VIT: variants seen among roughly 807,000 people sequenced by gnomAD.
VIT encodes vitrin.
VIT carries 99 observed loss-of-function variants against 78.0 expected under a neutral mutation model. That is an observed-to-expected ratio of 1.27 (90% CI 1.08 to 1.50). The LOEUF (loss-of-function observed/expected upper bound fraction) is 1.50, where lower values mean the gene tolerates loss of function less well. Among genes scored for constraint, VIT ranks in the 40% most tolerant of loss-of-function variants. The pLI, the probability that VIT is intolerant of heterozygous loss-of-function variation, is 0.00. For synonymous variants in VIT, 374 were observed against 334.3 expected, an observed-to-expected ratio of 1.12 and a Z score of -1.29; for missense variants, 1,126 against 875.3, an observed-to-expected ratio of 1.29 and a Z score of -3.61.
chr2:36,814,408 G>C lies in VIT; in HGVS notation c.*47G>C, dbSNP rs375505280. 6 of 1,604,440 alleles carry C rather than the reference G, an allele frequency of 3.7e-6. No homozygotes were observed. The highest frequency in any genetic ancestry group is 2.7e-5 in the African/African-American group (2 of 74,848). ...AGCAAGTGCTGCTTTACTAACTGAC[G>C]TGTTGGACCACCCCACCGCTTAATG... On this transcript the variant is annotated 3_prime_UTR_variant, in exon 16 of 16. Transcript: ENST00000379242.
intron 1 of VIT, among the ~76,000 whole-genome samples, chr2:36,710,133 C>T (rs566268351): frequency 6.6e-6 from 1 of 152,338 alleles, no homozygotes; most frequent in East Asian, 1.9e-4. Flanking sequence ...AATTGAATCA[C>T]TGCTAAATTT....
In VIT at chr2:36,767,235, C is replaced by T. The variant is rs145311127; in HGVS notation, c.629C>T (p.Thr210Ile). The T allele has an allele frequency of 6.1e-5, 98 of 1,600,680 alleles. No individual in the cohort carries two copies. Among genetic ancestry groups the T allele is most frequent in the Non-Finnish European group, 7.9e-5 (93 of 1,174,114 alleles). Residue 210 changes from threonine (T) to isoleucine (I), a missense_variant, in exon 7 of 16, where the codon ACC (threonine) becomes ATC (isoleucine). Transcript: ENST00000379242. ...LPRPSPSAAS[T>I]TSIPRPQSVG... is the part of the protein sequence containing the mutation. ...AGGCCATCCCCTTCTGCTGCTTCTA[C>T]CACCAGCATCCCCAGACCACAATCA...
At chr2:36,806,793 G>C (rs2148677415) in intron 14 of VIT, among the ~76,000 whole-genome samples, 1 of 152,094 alleles carries the variant, frequency 6.6e-6, no homozygotes, top group East Asian at 1.9e-4. Context: ...TCGATCTCCT[G>C]ACCTCTTGAT....
chr2:36,805,483 A>G lies in VIT; in HGVS notation c.1208A>G (p.Asn403Ser), dbSNP rs751099256. 47 of 1,613,612 alleles carry G rather than the reference A, an allele frequency of 2.9e-5. No homozygotes were observed. Among genetic ancestry groups the G allele is most frequent in the African/African-American group, 1.9e-4 (14 of 74,860 alleles). ...FVTKNFFSKANGNRSGAPNVV... is the reference protein window; with the variant it reads ...FVTKNFFSKASGNRSGAPNVV... ...ACCAAGAACTTCTTTTCCAAAGCCA[A>G]TGGAAACAGAAGCGGGGCTCCCAAT... Residue 403 changes from asparagine to serine, a missense_variant, in exon 14 of 16, where the codon AAT becomes AGT. By Grantham distance (46) the Asn-to-Ser change is conservative. Coordinates refer to ENST00000379242, the MANE Select transcript of VIT (RefSeq NM_053276.4).
At chr2:36,742,521 C>G (rs902614045) in intron 3 of VIT, among the ~76,000 whole-genome samples, 2 of 152,136 alleles carry the variant, frequency 1.3e-5, no homozygotes, top group Admixed American at 6.5e-5. Flanking sequence ...TCTTCCCTGT[C>G]CAGAAGTCTT....
chr2:36,756,660 T>C (rs543113654), intron 5 of VIT, among the ~76,000 whole-genome samples: 2 of 152,346 alleles, frequency 1.3e-5, no homozygotes, highest in African/African-American at 4.8e-5. Context: ...CTGGTTTCTT[T>C]GTCAGATAGC....
intron 2 of VIT, among the ~76,000 whole-genome samples, chr2:36,719,504 T>C (rs983589624): frequency 6.6e-6 from 1 of 152,102 alleles, no homozygotes; most frequent in Admixed American, 6.5e-5. Flanking sequence ...AAAATCAACA[T>C]ACAAAAATCT....
intron 7 of VIT, among the ~76,000 whole-genome samples, chr2:36,769,761 G>A (rs1012388441): frequency 6.6e-6 from 1 of 152,142 alleles, no homozygotes; most frequent in Non-Finnish European, 1.5e-5. Context: ...ATAGGGTTGT[G>A]TGACCATCAC....
At chr2:36,752,513 G>T (rs973159416) in intron 4 of VIT, among the ~76,000 whole-genome samples, 2 of 152,210 alleles carry the variant, frequency 1.3e-5, no homozygotes, top group African/African-American at 4.8e-5. Flanking sequence ...GTGGAACTGG[G>T]TTTGCTTTTC....
At chr2:36,742,509 T>C (rs1403019886) in intron 3 of VIT, among the ~76,000 whole-genome samples, 2 of 152,174 alleles carry the variant, frequency 1.3e-5, no homozygotes, top group Non-Finnish European at 2.9e-5. Context: ...GTTTTTGACC[T>C]GTCTTCCCTG....
intron 11 of VIT, 29 bp from the exon 12 acceptor site, chr2:36,787,100 G>T: frequency 6.2e-7 from 1 of 1,613,600 alleles, no homozygotes; most frequent in South Asian, 1.1e-5. Flanking sequence ...GAGATCATGA[G>T]AATAATAGAG....
Position 36,805,526 on chromosome 2 carries a change from G to A in VIT, c.1251G>A (p.Val417=), listed in dbSNP as rs72785023. Residue 417 remains valine, a synonymous_variant, in exon 14 of 16, where the codon GTG becomes GTA. Transcript: ENST00000379242. Reference sequence around the variant, plus strand: ...CTCCCAATGTGGTGGTGGTGATGGTGGATGGCTGGCCCACGGACAAAGTGG... The same window carrying A: ...CTCCCAATGTGGTGGTGGTGATGGTAGATGGCTGGCCCACGGACAAAGTGG... ...SGAPNVVVVM[V]DGWPTDKVEE... is the part of the protein sequence containing the mutation. 0.025 allele frequency: 40,438 copies of A among 1,614,078 alleles called. 648 individuals carry two copies. The highest frequency in any genetic ancestry group is 0.032 in the Non-Finnish European group (37,195 of 1,180,010).
intron 1 of VIT, 43 bp from the exon 2 acceptor site, chr2:36,716,310 C>A: frequency 6.4e-7 from 1 of 1,558,762 alleles, no homozygotes; most frequent in Non-Finnish European, 8.8e-7. Flanking sequence ...AAATCAGAAC[C>A]CCCGGCTGAA....
chr2:36,699,850 G>A (rs767016039), intron 1 of VIT, among the ~76,000 whole-genome samples: 6 of 129,984 alleles, frequency 4.6e-5, no homozygotes, highest in Non-Finnish European at 1.0e-4. Flanking sequence ...CTGTGCTATG[G>A]GTCATGTGGG....
At chr2:36,796,129 CAT>C (rs1665885306) in intron 12 of VIT, among the ~76,000 whole-genome samples, 1 of 125,382 alleles carries the variant, frequency 8.0e-6, no homozygotes, top group Non-Finnish European at 1.7e-5. Flanking sequence ...AAAAAAAAAA[CAT>C]AGTGGGCAGC....
chr2:36,712,367 A>G (rs1164057551), intron 1 of VIT, among the ~76,000 whole-genome samples: 4 of 152,170 alleles, frequency 2.6e-5, no homozygotes, highest in Non-Finnish European at 4.4e-5. Flanking sequence ...TTATCCATTC[A>G]TTCCAGCTTC....
intron 1 of VIT, among the ~76,000 whole-genome samples, chr2:36,706,516 C>A (rs1665432486): frequency 1.3e-5 from 2 of 152,124 alleles, no homozygotes; most frequent in African/African-American, 4.8e-5. Context: ...CCTCCCAGGG[C>A]CACACACTTA....
intron 1 of VIT, among the ~76,000 whole-genome samples, chr2:36,705,789 G>A (rs997448166): frequency 6.6e-6 from 1 of 152,126 alleles, no homozygotes; most frequent in African/African-American, 2.4e-5. Flanking sequence ...TAAATACATC[G>A]AGAAATAAAC....
chr2:36,761,900 G>A (rs1013629399), intron 6 of VIT, among the ~76,000 whole-genome samples: 5 of 152,160 alleles, frequency 3.3e-5, no homozygotes, highest in African/African-American at 1.2e-4. Context: ...CCGAGGTAGA[G>A]TGCCAGTATC....
Sources: allele counts gnomAD v4.1 joint callset (sites outside exome capture counted in the v4.1 genomes callset), GRCh38; gene constraint gnomAD v4.1.1; transcripts MANE v1.5; gene names NCBI Gene and HGNC (gene_info 2026-07-23, HGNC 2026-07-21).